Variants in AASDH observed in about 807,000 individuals in gnomAD.
AASDH encodes the protein aminoadipate-semialdehyde dehydrogenase.
A neutral mutation model predicts 102.3 loss-of-function variants in AASDH; 81 were observed. That is an observed-to-expected ratio of 0.79 (90% CI 0.66 to 0.95). The LOEUF (loss-of-function observed/expected upper bound fraction) is 0.95. Ranked by LOEUF, AASDH falls within the 40% of genes least tolerant of loss-of-function variation. AASDH has a pLI of 0.00. For synonymous variants in AASDH, 398 were observed against 454.0 expected (o/e 0.88, Z 1.57); for missense variants, 1,203 against 1,266.2 (o/e 0.95, Z 0.76).
At chr4:56,377,094 A>T (rs1433353809) in intron 4 of AASDH, among the ~76,000 whole-genome samples, 1 of 148,510 alleles carries the variant, frequency 6.7e-6, no homozygotes, top group Non-Finnish European at 1.5e-5. Context: ...AATAAATAAA[A>T]TAAAATAAAA....
At chr4:56,378,672 ATACTT>A (rs1378505863) in intron 3 of AASDH, among the ~76,000 whole-genome samples, 1 of 152,060 alleles carries the variant, frequency 6.6e-6, no homozygotes, top group Non-Finnish European at 1.5e-5. Context: ...ATCCTCCCAT[ATACTT>A]TAAATGATCT....
chr4:56,339,772 C>T (rs1186513341), intron 14 of AASDH, among the ~76,000 whole-genome samples: 1 of 145,434 alleles, frequency 6.9e-6, no homozygotes, highest in Non-Finnish European at 1.5e-5. Flanking sequence ...AAAATTGAGA[C>T]CAGTTTTCAA....
chr4:56,369,659 G>A (rs1259937573), intron 5 of AASDH, among the ~76,000 whole-genome samples: 4 of 152,174 alleles, frequency 2.6e-5, no homozygotes, highest in Non-Finnish European at 5.9e-5. Context: ...GGGCGTGGTG[G>A]CTCACACCTG....
intron 5 of AASDH, among the ~76,000 whole-genome samples, chr4:56,361,324 A>T (rs1401639700): frequency 6.6e-6 from 1 of 152,046 alleles, no homozygotes; most frequent in African/African-American, 2.4e-5. Context: ...CATGAGAATC[A>T]CTTGAACCCA....
chr4:56,346,968 G>C (rs1057267804), intron 11 of AASDH, among the ~76,000 whole-genome samples: 2 of 151,808 alleles, frequency 1.3e-5, no homozygotes, highest in African/African-American at 4.8e-5. Context: ...CTGAGCCCAG[G>C]AGTTCGAGGG....
At chr4:56,357,103 G>A (rs746338599) in intron 5 of AASDH, among the ~76,000 whole-genome samples, 2 of 152,124 alleles carry the variant, frequency 1.3e-5, no homozygotes, top group Non-Finnish European at 2.9e-5. Flanking sequence ...TATGTTTTAT[G>A]TATATACTAG....
intron 5 of AASDH, among the ~76,000 whole-genome samples, chr4:56,370,224 G>A (rs1162265048): frequency 6.6e-5 from 10 of 151,802 alleles, no homozygotes; most frequent in Non-Finnish European, 1.3e-4. Context: ...TTAGCCTGGT[G>A]TGGTGGCGGG....
chr4:56,363,077 T>C (rs1187982852), intron 5 of AASDH, among the ~76,000 whole-genome samples: 1 of 152,216 alleles, frequency 6.6e-6, no homozygotes, highest in Non-Finnish European at 1.5e-5. Flanking sequence ...GGAGATTATA[T>C]CCTACACCTG....
intron 5 of AASDH, among the ~76,000 whole-genome samples, chr4:56,368,508 G>A (rs1464978683): frequency 1.3e-5 from 2 of 151,836 alleles, no homozygotes; most frequent in Non-Finnish European, 2.9e-5. Flanking sequence ...AGAAAATGTG[G>A]CACATATACA....
At chr4:56,371,197 CAA>C (rs1187604996) in intron 5 of AASDH, among the ~76,000 whole-genome samples, 3 of 152,112 alleles carry the variant, frequency 2.0e-5, no homozygotes, top group Non-Finnish European at 4.4e-5. Context: ...AAATCTGAGT[CAA>C]AGTCAAGGTC....
Position 56,354,807 on chromosome 4 carries a change from C to A in AASDH, c.1108G>T (p.Glu370Ter). The A allele has an allele frequency of 6.3e-7, 1 of 1,596,656 alleles. No individual in the cohort carries two copies. The highest frequency in any genetic ancestry group is 1.7e-4 in the Middle Eastern group (1 of 5,990). ...GGAAATCCCAGTTGTACAGGCAATT[C>A]ACATCTATGAAAATAAGATACAGAG... is the stretch of plus-strand genomic sequence containing the variant. ...EKTLNSTLKC[E>*]LPVQLGFPLL... is the part of the protein sequence containing the mutation. The change falls in exon 7 of 15, where the codon GAA (glutamate) becomes TAA (stop). Residue 370 changes from glutamate to a stop codon, truncating the protein, a stop_gained. Coordinates refer to ENST00000205214, the MANE Select transcript of AASDH (RefSeq NM_181806.4). LOFTEE classifies it high-confidence loss of function.
intron 5 of AASDH, among the ~76,000 whole-genome samples, chr4:56,360,541 T>C (rs1750171033): frequency 1.3e-5 from 2 of 152,208 alleles, no homozygotes; most frequent in African/African-American, 2.4e-5. Context: ...TTACACAAAA[T>C]TCAGCAGTTT....
chr4:56,374,763 A>T (rs957469896), intron 4 of AASDH, among the ~76,000 whole-genome samples: 3 of 152,162 alleles, frequency 2.0e-5, no homozygotes, highest in Non-Finnish European at 4.4e-5. Context: ...TGTCAGTTTA[A>T]TTCTCAGTCC....
chr4:56,355,593 G>GTTTTTTTTTTTTTTTTTTTTTT (rs149149581), intron 5 of AASDH, among the ~76,000 whole-genome samples, 170 bp from the exon 6 acceptor site: 4 of 91,882 alleles, frequency 4.4e-5, no homozygotes, highest in Admixed American at 1.4e-4. Flanking sequence ...TTATCTTCTT[G>GTTTTTTTTTTTTTTTTTTTTTT]TTTTTTTTTT....
chr4:56,378,894 T>A (rs1365669946), intron 3 of AASDH, among the ~76,000 whole-genome samples: 1 of 151,638 alleles, frequency 6.6e-6, no homozygotes, highest in Admixed American at 6.6e-5. Flanking sequence ...TATTTATTTT[T>A]TTTTTTTGAG....
chr4:56,349,702 T>A lies in AASDH; in HGVS notation c.2049A>T (p.Arg683Ser). 1 of 1,614,220 alleles carries A rather than the reference T, an allele frequency of 6.2e-7. No individual in the cohort carries two copies. Among genetic ancestry groups the A allele is most frequent in the Non-Finnish European group, 8.5e-7 (1 of 1,180,034 alleles). Residue 683 changes from arginine to serine, a missense_variant, in exon 11 of 15, where the codon AGA (arginine) becomes AGT (serine). Coordinates refer to ENST00000205214, the MANE Select transcript of AASDH (RefSeq NM_181806.4). ...NEINAFVVLS[R>S]GSQILSLNST... is the part of the protein sequence containing the mutation. Reference sequence around the variant, plus strand: ...AATTCAGAGACAAAATTTGACTCCCTCTGCTCAGTACAACAAAAGCATTAA... The same window carrying A: ...AATTCAGAGACAAAATTTGACTCCCACTGCTCAGTACAACAAAAGCATTAA...
chr4:56,366,949 C>T (rs1477169312), intron 5 of AASDH, among the ~76,000 whole-genome samples: 2 of 152,070 alleles, frequency 1.3e-5, no homozygotes, highest in Non-Finnish European at 2.9e-5. Context: ...TTGCAGATGA[C>T]ATGATTGTAT....
intron 1 of AASDH, among the ~76,000 whole-genome samples, chr4:56,386,238 T>C (rs1753537165): frequency 6.6e-6 from 1 of 152,194 alleles, no homozygotes; most frequent in African/African-American, 2.4e-5. Flanking sequence ...TATGTAAATA[T>C]AAGGGAGGCT....
Position 56,362,054 on chromosome 4 carries a change from A to G in AASDH, c.862-6631T>C, listed in dbSNP as rs374592327. Among the ~76,000 whole-genome samples the G allele has an allele frequency of 2.4e-4, 37 of 152,194 alleles. 2 individuals carry two copies. Among genetic ancestry groups the G allele is most frequent in the African/African-American group, 8.0e-4 (33 of 41,460 alleles). ...GTATGTAAATAAAAAATGTCCAAAT[A>G]TATTTTAGGTTTGTGATAAACCAAA... On this transcript the variant is annotated intron_variant, in intron 5 of 14. Coordinates refer to ENST00000205214, the MANE Select transcript of AASDH (RefSeq NM_181806.4).
Sources: allele counts gnomAD v4.1 joint callset (sites outside exome capture counted in the v4.1 genomes callset), GRCh38; gene constraint gnomAD v4.1.1; transcripts MANE v1.5; gene names NCBI Gene and HGNC (gene_info 2026-07-23, HGNC 2026-07-21).